Variants in VMP1 observed in about 807,000 individuals in gnomAD.
VMP1 encodes the protein vacuole membrane protein 1.
Under a neutral mutation model 56.0 loss-of-function variants are expected in VMP1, and 11 were observed. The ratio of observed to expected loss-of-function variants is 0.20; its 90% CI spans 0.12 to 0.32. VMP1 has a LOEUF of 0.32. VMP1 is among the 10% of genes least tolerant of loss of function. The pLI, the probability that VMP1 is intolerant of heterozygous loss-of-function variation, is 1.00. For missense variants in VMP1, 296 were observed against 490.3 expected (o/e 0.60, Z 3.74); for synonymous variants, 149 against 165.0 (o/e 0.90, Z 0.74).
At chr17:59,757,403 T>C (rs1015580817) in intron 5 of VMP1, among the ~76,000 whole-genome samples, 1 of 152,174 alleles carries the variant, frequency 6.6e-6, no homozygotes, top group Non-Finnish European at 1.5e-5. Flanking sequence ...AGAGTAAAAA[T>C]TGATTACATA....
chr17:59,816,889 T>C (rs2038252635), intron 9 of VMP1, among the ~76,000 whole-genome samples: 1 of 144,754 alleles, frequency 6.9e-6, no homozygotes, highest in Non-Finnish European at 1.5e-5. Context: ...GAGGTTGTAG[T>C]GAGCCAAGAT....
chr17:59,811,696 T>C lies in VMP1; in HGVS notation c.822T>C (p.Ala274=). 1 of 1,613,888 alleles carries C rather than the reference T, an allele frequency of 6.2e-7. No homozygotes were observed. The highest frequency in any genetic ancestry group is 1.1e-5 in the South Asian group (1 of 91,054). Residue 274 remains alanine, a synonymous_variant, in exon 9 of 12, where the codon GCT becomes GCC. Transcript: ENST00000262291. ...TTCCAAATCCTTTATTTGATCTGGC[T>C]GGAATAACGTGTGGACACTTTCTGG... is the stretch of plus-strand genomic sequence containing the variant. ...ASIPNPLFDL[A]GITCGHFLVP...
At chr17:59,780,342 G>C (rs2036775077) in intron 7 of VMP1, among the ~76,000 whole-genome samples, 1 of 152,116 alleles carries the variant, frequency 6.6e-6, no homozygotes, top group Non-Finnish European at 1.5e-5. Context: ...TGTAATTCCA[G>C]CACTTTGGGA....
At chr17:59,745,793 T>C (rs936061387) in intron 5 of VMP1, among the ~76,000 whole-genome samples, 6 of 151,818 alleles carry the variant, frequency 4.0e-5, no homozygotes, top group African/African-American at 7.3e-5. Context: ...ATTGGGAGAG[T>C]AGTCTGGTGA....
At chr17:59,775,934 A>G (rs1284986899) in intron 7 of VMP1, among the ~76,000 whole-genome samples, 1 of 152,170 alleles carries the variant, frequency 6.6e-6, no homozygotes, top group Non-Finnish European at 1.5e-5. Flanking sequence ...TTCAAGTCAG[A>G]TAGGCTTTTT....
intron 5 of VMP1, among the ~76,000 whole-genome samples, chr17:59,751,149 G>T (rs2035628209): frequency 6.6e-6 from 1 of 151,962 alleles, no homozygotes; most frequent in East Asian, 1.9e-4. Context: ...AGCCAGGATG[G>T]TCTTGATCTC....
At chr17:59,760,918 C>A (rs564340237) in intron 5 of VMP1, among the ~76,000 whole-genome samples, 1 of 151,170 alleles carries the variant, frequency 6.6e-6, no homozygotes, top group African/African-American at 2.4e-5. Flanking sequence ...CATGCCCGGC[C>A]TATATGTTTT....
At chr17:59,765,372 C>T (rs1173834953) in intron 6 of VMP1, among the ~76,000 whole-genome samples, 1 of 152,170 alleles carries the variant, frequency 6.6e-6, no homozygotes, top group Non-Finnish European at 1.5e-5. Context: ...CAAGTAGACT[C>T]CAGCAGGGCA....
intron 8 of VMP1, among the ~76,000 whole-genome samples, chr17:59,810,244 C>T (rs1467693505): frequency 6.6e-6 from 1 of 152,088 alleles, no homozygotes; most frequent in Non-Finnish European, 1.5e-5. Flanking sequence ...ACCTCCACCT[C>T]CCAGGTTCAA....
At chr17:59,776,117 C>A (rs1420695305) in intron 7 of VMP1, among the ~76,000 whole-genome samples, 1 of 151,962 alleles carries the variant, frequency 6.6e-6, no homozygotes, top group East Asian at 1.9e-4. Flanking sequence ...GAGGCTAAAA[C>A]AGGAGCATTG....
intron 5 of VMP1, among the ~76,000 whole-genome samples, chr17:59,739,479 C>G (rs2035134048): frequency 2.0e-5 from 3 of 151,794 alleles, no homozygotes; most frequent in Non-Finnish European, 4.4e-5. Context: ...AATCCCAGCA[C>G]TTTGGGAGGC....
chr17:59,775,686 C>A (rs1234049211), intron 7 of VMP1, among the ~76,000 whole-genome samples: 2 of 152,144 alleles, frequency 1.3e-5, no homozygotes, highest in Non-Finnish European at 2.9e-5. Context: ...TTGCCTTTGC[C>A]TCAGTCAGAT....
In VMP1 at chr17:59,754,995, T is replaced by G. The variant is rs556593519; in HGVS notation, c.415-9976T>G. On this transcript the variant is annotated intron_variant, in intron 5 of 11. Transcript: ENST00000262291. ...TTATACTAGCCCCCCCCGCCCTTTT[T>G]TAACAGCTCTCATAAATATGTAGTT... is the stretch of plus-strand genomic sequence containing the variant. Among the ~76,000 whole-genome samples the G allele has an allele frequency of 3.8e-5, 4 of 106,320 alleles. No homozygotes were observed. In the East Asian group the frequency reaches 1.4e-3, roughly 37 times the overall value. 69.8% of individuals were successfully genotyped at this position (106,320 alleles called of 152,430 possible).
chr17:59,802,130 G>C (rs1461212206), intron 7 of VMP1, among the ~76,000 whole-genome samples: 1 of 152,068 alleles, frequency 6.6e-6, no homozygotes, highest in East Asian at 1.9e-4. Flanking sequence ...GAACCCAGGA[G>C]GTGGAGGTTG....
intron 5 of VMP1, among the ~76,000 whole-genome samples, chr17:59,748,744 C>T (rs180777178): frequency 2.6e-5 from 4 of 152,184 alleles, no homozygotes; most frequent in Admixed American, 2.6e-4. Flanking sequence ...AAATTAGGAA[C>T]ATTTCCCACA....
chr17:59,739,639 G>A (rs1265558546), intron 5 of VMP1, among the ~76,000 whole-genome samples: 2 of 148,854 alleles, frequency 1.3e-5, no homozygotes, highest in African/African-American at 5.0e-5. Context: ...CAGGAGAATG[G>A]CCTGAACCCG....
intron 7 of VMP1, among the ~76,000 whole-genome samples, chr17:59,789,920 A>C (rs552986734): frequency 2.9e-4 from 38 of 132,988 alleles, no homozygotes; most frequent in African/African-American, 7.7e-4. Flanking sequence ...GCTCACTGCA[A>C]CCTCCACCTC....
intron 5 of VMP1, among the ~76,000 whole-genome samples, chr17:59,743,563 T>G (rs984857529): frequency 3.6e-5 from 5 of 140,344 alleles, no homozygotes; most frequent in Admixed American, 7.4e-5. Context: ...AAAACTGCTC[T>G]CTCTCTCTCT....
intron 10 of VMP1, among the ~76,000 whole-genome samples, chr17:59,822,671 C>A (rs1309569901): frequency 1.3e-5 from 2 of 151,994 alleles, no homozygotes; most frequent in African/African-American, 4.8e-5. Flanking sequence ...TAATAAGTAG[C>A]CTCACCAAAC....
Sources: gnomAD v4.1 joint callset for allele counts (sites outside exome capture counted in the v4.1 genomes callset) on GRCh38, gnomAD v4.1.1 for gene constraint, MANE v1.5 for transcripts, NCBI Gene and HGNC (gene_info 2026-07-23, HGNC 2026-07-21) for gene names.